The following FAM168A variants were observed in gnomAD, a reference collection of about 807,000 sequenced individuals.
FAM168A encodes family with sequence similarity 168 member A.
Under a neutral mutation model 28.5 loss-of-function variants are expected in FAM168A, and 3 were observed. The ratio of observed to expected loss-of-function variants is 0.11; its 90% CI spans 0.05 to 0.27. The LOEUF (loss-of-function observed/expected upper bound fraction) is 0.27. FAM168A is among the 10% of genes least tolerant of loss of function. The pLI, the probability that FAM168A is intolerant of heterozygous loss-of-function variation, is 1.00. For missense variants in FAM168A, 222 were observed against 311.5 expected (o/e 0.71, Z 2.16); for synonymous variants, 122 against 124.2 (o/e 0.98, Z 0.12).
intron 1 of FAM168A, among the ~76,000 whole-genome samples, chr11:73,571,370 C>T (rs1390609446): frequency 1.3e-5 from 2 of 151,772 alleles, no homozygotes; most frequent in Non-Finnish European, 2.9e-5. Context: ...CTCAGCCTGC[C>T]GAGTGCCTGC....
At chr11:73,589,396 A>G (rs1301788810) in intron 1 of FAM168A, among the ~76,000 whole-genome samples, 1 of 152,012 alleles carries the variant, frequency 6.6e-6, no homozygotes, top group African/African-American at 2.4e-5. Context: ...TTGGTGTAAC[A>G]TGGGCGTCCA....
At chr11:73,580,984 G>T (rs571029596) in intron 1 of FAM168A, among the ~76,000 whole-genome samples, 33 of 152,346 alleles carry the variant, frequency 2.2e-4, no homozygotes, top group Non-Finnish European at 4.4e-4. Flanking sequence ...ATGCCACTGA[G>T]ATGGCACCTG....
At chr11:73,485,069 T>C (rs975520372) in intron 1 of FAM168A, among the ~76,000 whole-genome samples, 4 of 152,156 alleles carry the variant, frequency 2.6e-5, no homozygotes, top group African/African-American at 7.2e-5. Flanking sequence ...TTCACAGACA[T>C]ACCCAAGATC....
chr11:73,572,396 C>T (rs1262500087), intron 1 of FAM168A, among the ~76,000 whole-genome samples: 4 of 152,112 alleles, frequency 2.6e-5, no homozygotes, highest in South Asian at 4.1e-4. Flanking sequence ...TCATTGAGAA[C>T]GGGCCATGAT....
chr11:73,528,950 T>C (rs1242304626), intron 1 of FAM168A, among the ~76,000 whole-genome samples: 2 of 152,154 alleles, frequency 1.3e-5, no homozygotes, highest in Non-Finnish European at 2.9e-5. Flanking sequence ...AGACGCTTAA[T>C]ATTGCAGGGA....
chr11:73,425,089 T>C (rs533171480), intron 3 of FAM168A: 25 of 1,467,344 alleles, frequency 1.7e-5, no homozygotes, highest in Middle Eastern at 1.7e-4. Context: ...CACTAAGAAT[T>C]TGTGCAAAGT....
intron 1 of FAM168A, among the ~76,000 whole-genome samples, chr11:73,541,430 T>G (rs1422111269): frequency 6.6e-6 from 1 of 151,314 alleles, no homozygotes; most frequent in Non-Finnish European, 1.5e-5. Context: ...TGGAGTGCAG[T>G]GGCATGATCT....
chr11:73,411,835 A>T (rs2134482736), intron 4 of FAM168A, among the ~76,000 whole-genome samples: 1 of 152,268 alleles, frequency 6.6e-6, no homozygotes, highest in Non-Finnish European at 1.5e-5. Context: ...TAGCTCTGAC[A>T]GCCTGGGATT....
intron 1 of FAM168A, among the ~76,000 whole-genome samples, chr11:73,581,333 A>G (rs1006712696): frequency 2.6e-5 from 4 of 152,320 alleles, no homozygotes; most frequent in African/African-American, 7.2e-5. Context: ...TTTGGCTTGG[A>G]AAAAAACAGA....
chr11:73,482,989 C>T (rs1490588220), intron 1 of FAM168A, among the ~76,000 whole-genome samples: 1 of 152,172 alleles, frequency 6.6e-6, no homozygotes, highest in Non-Finnish European at 1.5e-5. Context: ...ATCTGCCCAC[C>T]TCAGCCTCCC....
At chr11:73,445,083 A>C (rs1867275703) in intron 2 of FAM168A, among the ~76,000 whole-genome samples, 1 of 152,128 alleles carries the variant, frequency 6.6e-6, no homozygotes, top group African/African-American at 2.4e-5. Context: ...AACATGGAGA[A>C]ACCCTGTCTC....
intron 1 of FAM168A, among the ~76,000 whole-genome samples, chr11:73,529,796 C>CTGTTTTTTTTTT (rs1943493303): frequency 7.8e-6 from 1 of 127,532 alleles, no homozygotes; most frequent in African/African-American, 3.4e-5. Context: ...ACTTTTTCTT[C>CTGTTTTTTTTTT]TTTTTTTTTT....
At chr11:73,438,605 T>A (rs997437862) in intron 2 of FAM168A, among the ~76,000 whole-genome samples, 1 of 152,030 alleles carries the variant, frequency 6.6e-6, no homozygotes, top group Non-Finnish European at 1.5e-5. Context: ...GGCTAAGGGA[T>A]GGAATTAATC....
chr11:73,411,252 G>A, intron 5 of FAM168A, 142 bp downstream of exon 5: 1 of 890,748 alleles, frequency 1.1e-6, no homozygotes, highest in Non-Finnish European at 1.7e-6. Flanking sequence ...CAGGGATATT[G>A]CTTCAGTGAT....
chr11:73,532,555 A>C (rs991601571), intron 1 of FAM168A, among the ~76,000 whole-genome samples: 3 of 152,216 alleles, frequency 2.0e-5, no homozygotes, highest in Non-Finnish European at 4.4e-5. Context: ...GCAACTGTAT[A>C]TCTTTAGAGC....
intron 1 of FAM168A, among the ~76,000 whole-genome samples, chr11:73,560,447 T>A (rs1036253298): frequency 1.3e-5 from 2 of 152,144 alleles, no homozygotes; most frequent in African/African-American, 4.8e-5. Flanking sequence ...AAAAAAATAC[T>A]GAGAAAAGTT....
At chr11:73,434,747 T>C (rs1262512124) in intron 2 of FAM168A, among the ~76,000 whole-genome samples, 1 of 152,212 alleles carries the variant, frequency 6.6e-6, no homozygotes, top group East Asian at 1.9e-4. Flanking sequence ...TAACATGCTT[T>C]GACTTATGTT....
chr11:73,449,626 A>G (rs1867390006), intron 2 of FAM168A, among the ~76,000 whole-genome samples: 1 of 152,204 alleles, frequency 6.6e-6, no homozygotes, highest in African/African-American at 2.4e-5. Context: ...CTGGGGATCC[A>G]CACTAAGGCG....
chr11:73,565,816 C>A (rs555903533), intron 1 of FAM168A, among the ~76,000 whole-genome samples: 87 of 152,194 alleles, frequency 5.7e-4, no homozygotes, highest in African/African-American at 2.0e-3. Flanking sequence ...GTTTTAAAAG[C>A]TGCAATTAAG....
Sources: allele counts gnomAD v4.1 joint callset (sites outside exome capture counted in the v4.1 genomes callset), GRCh38; gene constraint gnomAD v4.1.1; transcripts MANE v1.5; gene names NCBI Gene and HGNC (gene_info 2026-07-23, HGNC 2026-07-21).